AGBL4: variants seen among roughly 807,000 people sequenced by gnomAD.
AGBL4 encodes cytosolic carboxypeptidase 6.
AGBL4 carries 58 observed loss-of-function variants against 66.4 expected under a neutral mutation model. That is an observed-to-expected ratio of 0.87 (90% CI 0.71 to 1.09). The LOEUF (loss-of-function observed/expected upper bound fraction) is 1.09, where lower values mean the gene tolerates loss of function less well. AGBL4 is among the 50% of genes least tolerant of loss of function. The pLI, the probability that AGBL4 is intolerant of heterozygous loss-of-function variation, is 0.00. For synonymous variants in AGBL4, 234 were observed against 222.9 expected (o/e 1.05, Z -0.44); for missense variants, 579 against 631.0 (o/e 0.92, Z 0.88).
At chr1:48,894,510 C>T (rs1034332903) in intron 5 of AGBL4, among the ~76,000 whole-genome samples, 1 of 152,072 alleles carries the variant, frequency 6.6e-6, no homozygotes, top group Non-Finnish European at 1.5e-5. Context: ...TGGTTAAATA[C>T]ATTATGTGCA....
At position 49,060,627 on chromosome 1, in the gene AGBL4, C is replaced by T. The variant is rs1644385984; in HGVS notation, c.378-14827G>A. On this transcript the variant is annotated intron_variant, in intron 4 of 13. Coordinates refer to ENST00000371839, the MANE Select transcript of AGBL4 (RefSeq NM_032785.4). ...AAGATCTCAACATAATGACCTCCAG[C>T]ACAAAGTAGTTACAGATTGTCCACC... Among the ~76,000 whole-genome samples the T allele has an allele frequency of 2.0e-5, 3 of 152,106 alleles. No homozygotes were observed. The South Asian group carries it at 6.2e-4, about 32-fold the overall frequency.
intron 5 of AGBL4, among the ~76,000 whole-genome samples, chr1:48,878,136 T>A (rs1038565062): frequency 6.6e-6 from 1 of 152,182 alleles, no homozygotes; most frequent in East Asian, 1.9e-4. Context: ...GGTCAGTCTC[T>A]AGTTGGGTGG....
intron 11 of AGBL4, among the ~76,000 whole-genome samples, chr1:48,574,144 A>C (rs1237537984): frequency 1.3e-5 from 2 of 152,198 alleles, no homozygotes; most frequent in African/African-American, 4.8e-5. Flanking sequence ...CTTTTAGTGG[A>C]GCAATCAGAG....
At chr1:49,218,445 G>A (rs893356966) in intron 4 of AGBL4, among the ~76,000 whole-genome samples, 1 of 152,138 alleles carries the variant, frequency 6.6e-6, no homozygotes, top group East Asian at 1.9e-4. Context: ...AGTAGTGAAT[G>A]TAAGACTGGA....
intron 3 of AGBL4, among the ~76,000 whole-genome samples, chr1:49,447,816 T>G (rs907225282): frequency 1.3e-5 from 2 of 152,196 alleles, no homozygotes; most frequent in East Asian, 1.9e-4. Flanking sequence ...CCTCAGGTGT[T>G]CCCCATGAGT....
At chr1:49,632,967 G>A (rs934343663) in intron 3 of AGBL4, among the ~76,000 whole-genome samples, 5 of 152,008 alleles carry the variant, frequency 3.3e-5, no homozygotes, top group South Asian at 2.1e-4. Context: ...CCAGCTACTC[G>A]GGAGGCTGAG....
At chr1:49,313,232 C>A (rs919718934) in intron 3 of AGBL4, among the ~76,000 whole-genome samples, 4 of 152,240 alleles carry the variant, frequency 2.6e-5, no homozygotes, top group Admixed American at 1.3e-4. Context: ...GCATAGTATT[C>A]CATGGTGTAT....
intron 4 of AGBL4, among the ~76,000 whole-genome samples, chr1:49,166,914 T>C (rs1194543018): frequency 5.9e-5 from 9 of 152,176 alleles, no homozygotes; most frequent in Non-Finnish European, 8.8e-5. Context: ...TTCTTCCCCA[T>C]TTTGGATCAA....
intron 2 of AGBL4, among the ~76,000 whole-genome samples, chr1:49,790,118 C>A (rs549435553): frequency 1.3e-5 from 2 of 152,114 alleles, no homozygotes; most frequent in Admixed American, 1.3e-4. Flanking sequence ...GTGGCTCACG[C>A]CTGTAATCCC....
Position 49,931,935 on chromosome 1 carries a change from T to C in AGBL4, c.35-80417A>G, listed in dbSNP as rs1437621853. On this transcript the variant is annotated intron_variant, in intron 1 of 13. Coordinates refer to ENST00000371839, the MANE Select transcript of AGBL4 (RefSeq NM_032785.4). ...GTATCCCTAATCCAAAAATCCAAAA[T>C]CCAAATGCTGCATAATCCAAAATGT... 2.0e-5 allele frequency among the ~76,000 whole-genome samples: 3 copies of C among 151,934 alleles called. No individual in the cohort carries two copies. The East Asian group carries it at 5.8e-4, about 29-fold the overall frequency.
chr1:49,704,520 T>G (rs887369774), intron 2 of AGBL4, among the ~76,000 whole-genome samples: 1 of 152,048 alleles, frequency 6.6e-6, no homozygotes, highest in Non-Finnish European at 1.5e-5. Flanking sequence ...TATAAAAGAA[T>G]GATACTGCCT....
intron 5 of AGBL4, among the ~76,000 whole-genome samples, chr1:48,976,738 G>A (rs1036942847): frequency 4.6e-5 from 7 of 151,886 alleles, no homozygotes; most frequent in African/African-American, 1.7e-4. Context: ...CATTCTCTCT[G>A]CCTGGAATGC....
At chr1:48,540,370 A>G (rs944257752) in intron 11 of AGBL4, among the ~76,000 whole-genome samples, 3 of 152,178 alleles carry the variant, frequency 2.0e-5, no homozygotes, top group East Asian at 1.9e-4. Context: ...CTTAATGTGA[A>G]TAAGTACAAC....
At chr1:49,776,945 T>C (rs531891726) in intron 2 of AGBL4, among the ~76,000 whole-genome samples, 17 of 152,200 alleles carry the variant, frequency 1.1e-4, no homozygotes, top group Non-Finnish European at 2.2e-4. Context: ...AAATAATAAA[T>C]AACTGAAGAG....
intron 3 of AGBL4, among the ~76,000 whole-genome samples, chr1:49,580,982 A>G (rs1644531498): frequency 6.6e-6 from 1 of 152,176 alleles, no homozygotes; most frequent in Non-Finnish European, 1.5e-5. Context: ...TTCCCTATCC[A>G]GAATACTAAT....
At chr1:49,207,912 C>G (rs982650891) in intron 4 of AGBL4, among the ~76,000 whole-genome samples, 1 of 151,950 alleles carries the variant, frequency 6.6e-6, no homozygotes, top group Non-Finnish European at 1.5e-5. Context: ...CTAACTTTGC[C>G]ATGCATGCTA....
At chr1:49,852,167 A>G (rs1241118738) in intron 1 of AGBL4, among the ~76,000 whole-genome samples, 1 of 152,184 alleles carries the variant, frequency 6.6e-6, no homozygotes, top group East Asian at 1.9e-4. Context: ...GTACAAAATT[A>G]TAACTTTCCC....
intron 3 of AGBL4, chr1:49,527,583 C>A (rs1369801691): frequency 6.5e-6 from 1 of 152,794 alleles, no homozygotes; most frequent in Non-Finnish European, 1.5e-5. Context: ...TTAGTTTTCA[C>A]TTCAGTTATC....
chr1:48,942,381 A>G (rs1656066113), intron 5 of AGBL4, among the ~76,000 whole-genome samples: 4 of 152,036 alleles, frequency 2.6e-5, no homozygotes, highest in Admixed American at 2.6e-4. Flanking sequence ...TTCTAAATTA[A>G]TAGCTCCCTA....
Sources: gnomAD v4.1 joint callset for allele counts (sites outside exome capture counted in the v4.1 genomes callset) on GRCh38, gnomAD v4.1.1 for gene constraint, MANE v1.5 for transcripts, NCBI Gene and HGNC (gene_info 2026-07-23, HGNC 2026-07-21) for gene names.